Variants in TTLL1 observed in about 807,000 individuals in gnomAD.
TTLL1 encodes polyglutamylase complex subunit TTLL1.
TTLL1 carries 33 observed loss-of-function variants against 47.8 expected under a neutral mutation model. That is an observed-to-expected ratio of 0.69 (90% CI 0.52 to 0.92). The LOEUF (loss-of-function observed/expected upper bound fraction) is 0.92. Among genes scored for constraint, TTLL1 ranks in the 40% least tolerant of loss-of-function variants. TTLL1 has a pLI of 0.00. For synonymous variants in TTLL1, 225 were observed against 214.1 expected, an observed-to-expected ratio of 1.05 and a Z score of -0.45; for missense variants, 488 against 547.5, an observed-to-expected ratio of 0.89 and a Z score of 1.08.
chr22:43,085,546 G>A (rs60000516), intron 1 of TTLL1, among the ~76,000 whole-genome samples: 2,374 of 152,198 alleles, frequency 0.016, 64 homozygotes, highest in African/African-American at 0.055. Context: ...TTATAAATGC[G>A]AGTTCCCCTG....
At chr22:43,081,209 C>T (rs1928864365) in intron 1 of TTLL1, among the ~76,000 whole-genome samples, 2 of 152,096 alleles carry the variant, frequency 1.3e-5, no homozygotes, top group Non-Finnish European at 2.9e-5. Context: ...AGCCACCGCG[C>T]CCGGCTGCAC....
rs149946688 is a variant in TTLL1, at chr22:43,053,812, G to T, written c.892-1925C>A. On this transcript the variant is annotated intron_variant, in intron 8 of 10. Coordinates refer to ENST00000266254, the MANE Select transcript of TTLL1 (RefSeq NM_012263.5). ...AGTTCAGGAAACTGAGGCCCAGAAG[G>T]AGTCGTTCAGAGGCACCTGCCAGAG... Among the ~76,000 whole-genome samples the T allele has an allele frequency of 3.4e-3, 513 of 152,350 alleles. 1 individual carries two copies. The highest frequency in any genetic ancestry group is 0.012 in the African/African-American group (501 of 41,584).
At chr22:43,088,642 C>T (rs536359543) in intron 1 of TTLL1, among the ~76,000 whole-genome samples, 6 of 151,914 alleles carry the variant, frequency 3.9e-5, no homozygotes, top group Admixed American at 2.6e-4. Flanking sequence ...CGTGCCCGGC[C>T]GGGGCCCATC....
At chr22:43,043,002 C>T (rs1480430843) in intron 10 of TTLL1, among the ~76,000 whole-genome samples, 9 of 149,324 alleles carry the variant, frequency 6.0e-5, no homozygotes, top group South Asian at 2.1e-4. Flanking sequence ...TGCGGTGGCA[C>T]GATCTCGGCT....
At chr22:43,045,501 G>C (rs1184820888) in intron 10 of TTLL1, among the ~76,000 whole-genome samples, 1 of 121,716 alleles carries the variant, frequency 8.2e-6, no homozygotes, top group Non-Finnish European at 1.7e-5. Context: ...TGTAGAGATG[G>C]GGTTTCGCTA....
At position 43,075,539 on chromosome 22, in the gene TTLL1, CA is replaced by C; in HGVS notation, c.47del (p.Leu16ArgfsTer13). ...ATCCTCTCTTTTCAAAGTTATTGAT[CA>C]GCACTGACTTCTCGATATCAGTGAC... The part of the protein sequence containing the change: ...KWVTDIEKSV[L>X]INNFEKRGWV... On this transcript the variant is annotated frameshift_variant, in exon 3 of 11. Coordinates refer to ENST00000266254, the MANE Select transcript of TTLL1 (RefSeq NM_012263.5). LOFTEE classifies it high-confidence loss of function. The C allele has an allele frequency of 6.2e-7, 1 of 1,614,168 alleles. No homozygotes were observed. Among genetic ancestry groups the C allele is most frequent in the Non-Finnish European group, 8.5e-7 (1 of 1,180,034 alleles).
At chr22:43,077,855 C>T (rs951474643) in intron 2 of TTLL1, among the ~76,000 whole-genome samples, 1 of 152,152 alleles carries the variant, frequency 6.6e-6, no homozygotes. Context: ...GCCTATAATC[C>T]CAGCACTTTG....
In TTLL1 at chr22:43,076,957, C is replaced by T. The variant is rs530122270; in HGVS notation, c.-4-1367G>A. On this transcript the variant is annotated intron_variant, in intron 2 of 10. Coordinates refer to ENST00000266254, the MANE Select transcript of TTLL1 (RefSeq NM_012263.5). ...TCTACTAAAAATACAAAAAATTAGCCGGGTGCGGTGGCAGGCGCCTGTAGT... is the reference window on the plus strand; with the variant it reads ...TCTACTAAAAATACAAAAAATTAGCTGGGTGCGGTGGCAGGCGCCTGTAGT... Among the ~76,000 whole-genome samples, 72 of 151,472 alleles carry T rather than the reference C, an allele frequency of 4.8e-4. 1 individual carries two copies. The highest frequency in any genetic ancestry group is 7.9e-4 in the Non-Finnish European group (54 of 67,938).
In TTLL1 at chr22:43,039,638, A is replaced by G. The variant is rs1229585100; in HGVS notation, c.*138T>C. On this transcript the variant is annotated 3_prime_UTR_variant, in exon 11 of 11. Transcript: ENST00000266254. ...CTTTAGCACTAGTCAAACAGACTCC[A>G]TAACCTTCCAAAGAAGTGCCTTCGT... 1.7e-6 allele frequency: 2 copies of G among 1,152,790 alleles called. No homozygotes were observed. Among genetic ancestry groups the G allele is most frequent in the Admixed American group, 2.9e-5 (1 of 35,038 alleles). The allele number at this position is 1,152,790 out of a possible 1,614,324, so 71.4% of individuals were successfully genotyped here. A position where few individuals can be genotyped will look rare whatever the true frequency, so the allele number is the denominator to read the frequency against.
chr22:43,049,882 G>A (rs975725710), intron 9 of TTLL1, among the ~76,000 whole-genome samples: 4 of 149,862 alleles, frequency 2.7e-5, no homozygotes, highest in African/African-American at 7.4e-5. Context: ...TTGCCTGAGC[G>A]CTCAGGAGTT....
At chr22:43,084,994 A>C (rs1233291216) in intron 1 of TTLL1, among the ~76,000 whole-genome samples, 1 of 114,038 alleles carries the variant, frequency 8.8e-6, no homozygotes, top group African/African-American at 3.7e-5. Context: ...TTGAGATGGC[A>C]TCTTGCTCTG....
At chr22:43,059,825 G>T (rs1376552480) in intron 7 of TTLL1, among the ~76,000 whole-genome samples, 2 of 152,098 alleles carry the variant, frequency 1.3e-5, no homozygotes, top group Non-Finnish European at 2.9e-5. Context: ...AAGTAACTGG[G>T]ACTACAGGCA....
intron 8 of TTLL1, among the ~76,000 whole-genome samples, chr22:43,055,873 C>T (rs889751352): frequency 6.6e-6 from 1 of 151,764 alleles, no homozygotes; most frequent in African/African-American, 2.4e-5. Flanking sequence ...AAGACAAGGC[C>T]TTAATTTTCC....
chr22:43,070,962 G>C (rs991073879), intron 3 of TTLL1, among the ~76,000 whole-genome samples: 1 of 152,104 alleles, frequency 6.6e-6, no homozygotes, highest in Non-Finnish European at 1.5e-5. Flanking sequence ...GCCCAGGCCG[G>C]GGTGTCATGA....
chr22:43,066,637 G>A (rs1397642161), intron 5 of TTLL1, among the ~76,000 whole-genome samples: 3 of 151,664 alleles, frequency 2.0e-5, no homozygotes, highest in Admixed American at 6.6e-5. Flanking sequence ...TGGGAGGATC[G>A]CTTGGGCCTA....
At chr22:43,040,966 G>A (rs896940457) in intron 10 of TTLL1, among the ~76,000 whole-genome samples, 3 of 152,146 alleles carry the variant, frequency 2.0e-5, no homozygotes, top group Non-Finnish European at 2.9e-5. Context: ...GAGCATGGTC[G>A]TTGCTGCCTG....
intron 3 of TTLL1, among the ~76,000 whole-genome samples, chr22:43,074,282 C>A (rs1928332496): frequency 6.6e-6 from 1 of 151,552 alleles, no homozygotes; most frequent in African/African-American, 2.4e-5. Flanking sequence ...ACAAAATAAG[C>A]CAGGCGTGGT....
At chr22:43,079,126 G>GCCACGCCA (rs1416718730) in intron 2 of TTLL1, among the ~76,000 whole-genome samples, 1 of 122,548 alleles carries the variant, frequency 8.2e-6, no homozygotes, top group Non-Finnish European at 1.7e-5. Context: ...CAGACACGGG[G>GCCACGCCA]ACCATGGGAG....
chr22:43,063,672 G>A (rs1204271311), intron 7 of TTLL1, 141 bp downstream of exon 7: 32 of 608,558 alleles, frequency 5.3e-5, no homozygotes, highest in South Asian at 4.8e-4. Context: ...CATTGTGTTC[G>A]TCAGGCTGGT....
Sources: allele counts gnomAD v4.1 joint callset (sites outside exome capture counted in the v4.1 genomes callset), GRCh38; gene constraint gnomAD v4.1.1; transcripts MANE v1.5; gene names NCBI Gene and HGNC (gene_info 2026-07-23, HGNC 2026-07-21).